Variants in SLIT3 observed in about 807,000 individuals in gnomAD.
SLIT3 encodes the protein slit homolog 3 protein.
SLIT3 carries 68 observed loss-of-function variants against 184.0 expected under a neutral mutation model. The observed-to-expected ratio is 0.37, with a 90% confidence interval of 0.30 to 0.45. The LOEUF (loss-of-function observed/expected upper bound fraction) is 0.45, where lower values mean the gene tolerates loss of function less well. Ranked by LOEUF, SLIT3 falls within the 20% of genes least tolerant of loss-of-function variation. The probability of loss-of-function intolerance (pLI) is 1.00; values close to 1 mark genes in which losing one functional copy is unlikely to be tolerated. For missense variants in SLIT3, 1,707 were observed against 2,026.0 expected (o/e 0.84, Z 3.02); for synonymous variants, 831 against 828.6 (o/e 1.00, Z -0.05).
chr5:169,260,446 GTATTCGTCCTCCC>G (rs1483031475), intron 1 of SLIT3, among the ~76,000 whole-genome samples: 4 of 152,182 alleles, frequency 2.6e-5, no homozygotes, highest in Admixed American at 2.6e-4. Flanking sequence ...CGAGGACGGG[GTATTCGTCCTCCC>G]TGAGAGCTCA....
chr5:169,238,212 T>C (rs1201414887), intron 3 of SLIT3, among the ~76,000 whole-genome samples: 1 of 152,168 alleles, frequency 6.6e-6, no homozygotes, highest in Non-Finnish European at 1.5e-5. Flanking sequence ...ACTTCTATTG[T>C]TAAGTTCTTT....
intron 4 of SLIT3, among the ~76,000 whole-genome samples, chr5:169,180,914 G>T (rs1763131751): frequency 6.6e-6 from 1 of 152,170 alleles, no homozygotes; most frequent in South Asian, 2.1e-4. Context: ...GTTCTAACAT[G>T]AAATGAAAGT....
intron 4 of SLIT3, among the ~76,000 whole-genome samples, chr5:169,193,102 C>T (rs1763610851): frequency 6.6e-6 from 1 of 152,184 alleles, no homozygotes; most frequent in Admixed American, 6.5e-5. Context: ...CGGTCCAAAC[C>T]GTTGCCTTCT....
At chr5:168,690,264 G>A (rs938592815) in intron 29 of SLIT3, among the ~76,000 whole-genome samples, 2 of 152,004 alleles carry the variant, frequency 1.3e-5, no homozygotes, top group Non-Finnish European at 2.9e-5. Context: ...AGCCTCCTGA[G>A]TAGCTGGGAT....
intron 4 of SLIT3, among the ~76,000 whole-genome samples, chr5:169,166,347 C>T (rs1762637928): frequency 6.6e-6 from 1 of 152,168 alleles, no homozygotes; most frequent in Non-Finnish European, 1.5e-5. Flanking sequence ...CTTCATTTAG[C>T]AGCGGGCACA....
intron 15 of SLIT3, among the ~76,000 whole-genome samples, chr5:168,762,048 G>A (rs1245666245): frequency 6.6e-6 from 1 of 150,816 alleles, no homozygotes; most frequent in Non-Finnish European, 1.5e-5. Flanking sequence ...TGGGATTACA[G>A]GCATGACCCA....
chr5:168,730,072 A>G (rs2113394894), intron 20 of SLIT3, among the ~76,000 whole-genome samples: 1 of 150,866 alleles, frequency 6.6e-6, no homozygotes, highest in Non-Finnish European at 1.5e-5. Context: ...AGGAGTAGCT[A>G]CACTTATATC....
At chr5:169,211,216 C>T (rs547684312) in intron 3 of SLIT3, among the ~76,000 whole-genome samples, 22 of 152,096 alleles carry the variant, frequency 1.4e-4, no homozygotes, top group African/African-American at 4.6e-4. Context: ...TTTTGTAAGC[C>T]GCTGAGATTC....
intron 4 of SLIT3, among the ~76,000 whole-genome samples, chr5:169,020,487 C>T (rs1373453475): frequency 6.6e-6 from 1 of 152,148 alleles, no homozygotes; most frequent in Non-Finnish European, 1.5e-5. Flanking sequence ...ATCTGGGTCT[C>T]TTAATCATTA....
intron 4 of SLIT3, among the ~76,000 whole-genome samples, chr5:168,915,510 A>G (rs62377188): frequency 6.6e-6 from 1 of 152,254 alleles, no homozygotes; most frequent in African/African-American, 2.4e-5. Flanking sequence ...TTCTATCCCA[A>G]TACATTAATA....
intron 4 of SLIT3, among the ~76,000 whole-genome samples, chr5:168,988,505 C>G (rs1358655710): frequency 6.6e-6 from 1 of 152,058 alleles, no homozygotes; most frequent in African/African-American, 2.4e-5. Context: ...CCAAGGGCTC[C>G]CGACCACTTG....
intron 4 of SLIT3, among the ~76,000 whole-genome samples, chr5:168,947,703 T>C (rs1178044525): frequency 6.6e-6 from 1 of 152,168 alleles, no homozygotes; most frequent in Non-Finnish European, 1.5e-5. Context: ...ATGCAGGGCC[T>C]GAGGCTGGAT....
intron 4 of SLIT3, among the ~76,000 whole-genome samples, chr5:169,057,777 C>T (rs764876061): frequency 1.2e-4 from 18 of 152,290 alleles, no homozygotes; most frequent in Non-Finnish European, 2.4e-4. Context: ...GCTCACACTC[C>T]ACACTCCACC....
At chr5:168,772,994 T>TCCA (rs1561924702) in intron 13 of SLIT3, 50 bp from the exon 14 acceptor site, 2 of 1,530,046 alleles carry the variant, frequency 1.3e-6, no homozygotes, top group Non-Finnish European at 8.8e-7. Flanking sequence ...GGCGTCTTGC[T>TCCA]CCACCACCAC....
At chr5:169,251,770 C>A (rs1173398021) in intron 1 of SLIT3, among the ~76,000 whole-genome samples, 3 of 152,188 alleles carry the variant, frequency 2.0e-5, no homozygotes, top group Non-Finnish European at 4.4e-5. Context: ...TGGGGCTGAC[C>A]CCTCTTTCCA....
intron 5 of SLIT3, among the ~76,000 whole-genome samples, chr5:168,857,380 T>TTTG (rs1167825130): frequency 2.1e-4 from 31 of 151,090 alleles, no homozygotes; most frequent in African/African-American, 7.3e-4. Flanking sequence ...TTGTTTTTGT[T>TTTG]TTGTTTTGTT....
intron 4 of SLIT3, among the ~76,000 whole-genome samples, chr5:169,022,463 AG>A (rs1347540566): frequency 6.6e-6 from 1 of 152,242 alleles, no homozygotes; most frequent in Non-Finnish European, 1.5e-5. Flanking sequence ...TTTTGTGAAC[AG>A]GGAAAAGTGA....
At chr5:169,054,598 C>T (rs1221030624) in intron 4 of SLIT3, among the ~76,000 whole-genome samples, 1 of 152,112 alleles carries the variant, frequency 6.6e-6, no homozygotes, top group Non-Finnish European at 1.5e-5. Flanking sequence ...AAGTCCCTCC[C>T]CTTCTTACGA....
At chr5:169,235,218 A>G (rs1271032716) in intron 3 of SLIT3, among the ~76,000 whole-genome samples, 1 of 151,998 alleles carries the variant, frequency 6.6e-6, no homozygotes, top group Non-Finnish European at 1.5e-5. Flanking sequence ...CTCTATATTA[A>G]TTTCTTGTTG....
Sources: gnomAD v4.1 joint callset for allele counts (sites outside exome capture counted in the v4.1 genomes callset) on GRCh38, gnomAD v4.1.1 for gene constraint, MANE v1.5 for transcripts, NCBI Gene and HGNC (gene_info 2026-07-23, HGNC 2026-07-21) for gene names.